The following GIPC1 variants were observed in gnomAD, a reference collection of about 807,000 sequenced individuals.
GIPC1 encodes the protein GIPC PDZ domain containing family member 1.
GIPC1 carries 15 observed loss-of-function variants against 28.5 expected under a neutral mutation model. That is an observed-to-expected ratio of 0.53 (90% CI 0.35 to 0.81). The LOEUF is 0.81. Among genes scored for constraint, GIPC1 ranks in the 30% least tolerant of loss-of-function variants. GIPC1 has a pLI of 0.01. For synonymous variants in GIPC1, 224 were observed against 206.1 expected, an observed-to-expected ratio of 1.09 and a Z score of -0.74; for missense variants, 439 against 481.9, an observed-to-expected ratio of 0.91 and a Z score of 0.83.
intron 1 of GIPC1, among the ~76,000 whole-genome samples, chr19:14,493,668 T>C (rs370344040): frequency 2.0e-5 from 3 of 152,212 alleles, no homozygotes; most frequent in East Asian, 3.9e-4. Flanking sequence ...TATTTATTTA[T>C]TTATTTTTGA....
At chr19:14,485,998 C>T (rs747890536) in intron 3 of GIPC1, among the ~76,000 whole-genome samples, 62 of 152,032 alleles carry the variant, frequency 4.1e-4, no homozygotes, top group Non-Finnish European at 5.9e-5. Context: ...TCTCGATCTC[C>T]TGACTTCATG....
chr19:14,493,103 C>T (rs2072005030), intron 1 of GIPC1, among the ~76,000 whole-genome samples, 191 bp from the exon 2 acceptor site: 1 of 152,228 alleles, frequency 6.6e-6, no homozygotes, highest in Admixed American at 6.5e-5. Flanking sequence ...AATACCTACT[C>T]CAGGCCCACT....
chr19:14,487,216 T>A (rs1044512819), intron 3 of GIPC1, among the ~76,000 whole-genome samples: 3 of 151,288 alleles, frequency 2.0e-5, no homozygotes, highest in African/African-American at 4.9e-5. Context: ...CCTTTCTTTT[T>A]TTCTTTTTTT....
chr19:14,496,050 GCC>G lies in GIPC1; in HGVS notation c.-190_-189del, dbSNP rs2072072629. The G allele has an allele frequency of 1.6e-4, 38 of 241,098 alleles. 1 individual carries two copies. The South Asian group carries it at 2.2e-3, about 14-fold the overall frequency. The allele number at this position is 241,098 out of a possible 1,614,324, so 14.9% of individuals were successfully genotyped here. On this transcript the variant is annotated 5_prime_UTR_variant, in exon 1 of 9. Transcript: ENST00000393033. ...GAGGCCACTCACCTGCTCCGCCGCCGCCGCCGCCGCCGCCGCCGCCGCCGCTG... is the reference window on the plus strand; with the variant it reads ...GAGGCCACTCACCTGCTCCGCCGCCGGCCGCCGCCGCCGCCGCCGCCGCTG...
intron 3 of GIPC1, 38 bp from the exon 4 acceptor site, chr19:14,483,044 G>A: frequency 6.9e-7 from 1 of 1,449,538 alleles, no homozygotes; most frequent in Non-Finnish European, 9.4e-7. Flanking sequence ...CCTGGGCAGA[G>A]GCCTTGGGTG....
In GIPC1 at chr19:14,482,834, G is replaced by T. The variant is rs2071760667; in HGVS notation, c.143C>A (p.Pro48His). The T allele has an allele frequency of 6.3e-7, 1 of 1,578,262 alleles. No homozygotes were observed. The highest frequency in any genetic ancestry group is 8.6e-7 in the Non-Finnish European group (1 of 1,162,860). The stretch of plus-strand genomic sequence containing the variant: ...GGGCCGCAGGGCTGGGGGAGGGGGG[G>T]GCAAGCCCATTTGGGGGCCCCCCGA... ...GGSGGPQMGL[P>H]PPPPALRPRL... The change falls in exon 4 of 9, where the codon CCC (proline) becomes CAC (histidine). Residue 48 changes from proline (P) to histidine (H), a missense_variant. Transcript: ENST00000393033.
In GIPC1 at chr19:14,494,395, C is replaced by G. The variant is rs918272214; in HGVS notation, c.-174-1483G>C. Among the ~76,000 whole-genome samples the G allele has an allele frequency of 3.3e-5, 5 of 152,182 alleles. No individual in the cohort carries two copies. In the East Asian group the frequency reaches 5.8e-4, roughly 18 times the overall value. ...GCGTGAGCCACCGCGCCCGGGCCCC[C>G]TTGCCTGATCTTTGCTGGGCTGGCA... is the stretch of plus-strand genomic sequence containing the variant. On this transcript the variant is annotated intron_variant, in intron 1 of 8. Coordinates refer to ENST00000393033, the MANE Select transcript of GIPC1 (RefSeq NM_005716.4).
At chr19:14,484,283 G>C (rs1482295816) in intron 3 of GIPC1, among the ~76,000 whole-genome samples, 1 of 151,790 alleles carries the variant, frequency 6.6e-6, no homozygotes, top group African/African-American at 2.4e-5. Flanking sequence ...TTACATGTCT[G>C]TGCCACCACA....
chr19:14,479,993 CT>C, intron 6 of GIPC1: 2 of 527,292 alleles, frequency 3.8e-6, no homozygotes, highest in South Asian at 4.5e-5. Flanking sequence ...AGTGGGGGGG[CT>C]GGCACTGAGC....
chr19:14,481,361 A>G (rs2071725247), intron 4 of GIPC1, among the ~76,000 whole-genome samples: 1 of 152,120 alleles, frequency 6.6e-6, no homozygotes, highest in African/African-American at 2.4e-5. Flanking sequence ...CCCCCATCTC[A>G]ACCTCCCAAG....
At chr19:14,491,160 T>G (rs1460389903) in intron 3 of GIPC1, among the ~76,000 whole-genome samples, 1 of 151,970 alleles carries the variant, frequency 6.6e-6, no homozygotes, top group Admixed American at 6.6e-5. Flanking sequence ...TGTGAGCCAC[T>G]GCGCTCAGCC....
chr19:14,493,580 C>T (rs1370026241), intron 1 of GIPC1, among the ~76,000 whole-genome samples: 1 of 152,120 alleles, frequency 6.6e-6, no homozygotes, highest in East Asian at 1.9e-4. Context: ...GCCCTAGCCT[C>T]CTGAGTAGCT....
intron 3 of GIPC1, among the ~76,000 whole-genome samples, chr19:14,485,729 A>AGAGG (rs2071827241): frequency 3.4e-5 from 5 of 146,824 alleles, no homozygotes; most frequent in African/African-American, 1.3e-4. Context: ...AGAGAGAGAG[A>AGAGG]GAGAGAGAGA....
chr19:14,482,358 G>A, intron 4 of GIPC1: 1 of 440,290 alleles, frequency 2.3e-6, no homozygotes, highest in South Asian at 2.3e-5. Flanking sequence ...AATCTACTGG[G>A]GGTACACCCC....
intron 6 of GIPC1, 44 bp downstream of exon 6, chr19:14,480,261 A>C (rs767371217): frequency 1.9e-6 from 3 of 1,553,554 alleles, no homozygotes; most frequent in Non-Finnish European, 8.8e-7. Context: ...GCCTGCGCCC[A>C]TGCGAGCAGC....
Position 14,478,413 on chromosome 19 carries a change from G to A in GIPC1, c.*3C>T. 1 of 1,605,326 alleles carries A rather than the reference G, an allele frequency of 6.2e-7. No homozygotes were observed. On this transcript the variant is annotated 3_prime_UTR_variant, in exon 9 of 9. Transcript: ENST00000393033. The surrounding 1 kb of genome is among the most constrained non-coding windows in gnomAD (Gnocchi z 5.2). Reference sequence around the variant, plus strand: ...GTCATCATCGCAGGGTCCGGGGGCAGTCCTAGTAGCGGCCGACCTTGGCGT... The same window carrying A: ...GTCATCATCGCAGGGTCCGGGGGCAATCCTAGTAGCGGCCGACCTTGGCGT...
At chr19:14,490,947 C>T (rs1420431624) in intron 3 of GIPC1, among the ~76,000 whole-genome samples, 1 of 142,946 alleles carries the variant, frequency 7.0e-6, no homozygotes, top group African/African-American at 2.6e-5. Context: ...TGCACTCTAG[C>T]CTGGGTGACA....
intron 1 of GIPC1, among the ~76,000 whole-genome samples, chr19:14,495,754 G>A (rs2072062172): frequency 6.6e-6 from 1 of 152,112 alleles, no homozygotes; most frequent in African/African-American, 2.4e-5. Context: ...ACGCTGGGAT[G>A]GGGACAGTCC....
intron 4 of GIPC1, among the ~76,000 whole-genome samples, chr19:14,481,395 C>T (rs1416125629): frequency 6.6e-6 from 1 of 152,168 alleles, no homozygotes; most frequent in Non-Finnish European, 1.5e-5. Flanking sequence ...AGGTGTGCAC[C>T]ACTGTACCCA....
Sources: allele counts gnomAD v4.1 joint callset (sites outside exome capture counted in the v4.1 genomes callset), GRCh38; gene constraint gnomAD v4.1.1; non-coding constraint Gnocchi (gnomAD v3.1); transcripts MANE v1.5; gene names NCBI Gene and HGNC (gene_info 2026-07-23, HGNC 2026-07-21).